TAF2: variants seen among roughly 807,000 people sequenced by gnomAD.
TAF2 encodes transcription initiation factor TFIID subunit 2.
Under a neutral mutation model 138.5 loss-of-function variants are expected in TAF2, and 61 were observed. That is an observed-to-expected ratio of 0.44 (90% CI 0.36 to 0.54). The LOEUF is 0.54. Ranked by LOEUF, TAF2 falls within the 20% of genes least tolerant of loss-of-function variation. The pLI is 0.00. For missense variants in TAF2, 1,090 were observed against 1,427.9 expected, an observed-to-expected ratio of 0.76 and a Z score of 3.81; for synonymous variants, 475 against 469.9, an observed-to-expected ratio of 1.01 and a Z score of -0.14.
chr8:119,776,638 G>A lies in TAF2; in HGVS notation c.2364+1381C>T, dbSNP rs187125433. 4.8e-3 allele frequency among the ~76,000 whole-genome samples: 725 copies of A among 151,954 alleles called. 6 individuals carry two copies. The highest frequency in any genetic ancestry group is 0.017 in the Middle Eastern group (5 of 294). ...AGGGAGATGGAGCTTGCAGTGAGCCGAGATCGCGCCACTGCACTCCAGCCT... is the reference window on the plus strand; with the variant it reads ...AGGGAGATGGAGCTTGCAGTGAGCCAAGATCGCGCCACTGCACTCCAGCCT... On this transcript the variant is annotated intron_variant, in intron 18 of 25. Transcript: ENST00000378164.
chr8:119,747,080 C>T (rs1820029947), intron 22 of TAF2, 146 bp from the exon 23 acceptor site: 1 of 811,786 alleles, frequency 1.2e-6, no homozygotes, highest in African/African-American at 1.7e-5. Context: ...TACTAGACAT[C>T]AACCAAAAAT....
chr8:119,772,997 A>G (rs1325185830), intron 18 of TAF2, among the ~76,000 whole-genome samples: 1 of 149,976 alleles, frequency 6.7e-6, no homozygotes, highest in Non-Finnish European at 1.5e-5. Context: ...AAAATGCAGG[A>G]AAAGCACTTA....
At chr8:119,778,454 GCA>G (rs1822413935) in intron 17 of TAF2, among the ~76,000 whole-genome samples, 1 of 152,174 alleles carries the variant, frequency 6.6e-6, no homozygotes, top group Non-Finnish European at 1.5e-5. Context: ...AGTGGAAAAG[GCA>G]CAGATTTTAG....
intron 25 of TAF2, among the ~76,000 whole-genome samples, chr8:119,734,749 TTGAG>T (rs1819108435): frequency 6.6e-6 from 1 of 152,062 alleles, no homozygotes; most frequent in African/African-American, 2.4e-5. Context: ...AAGAAATAAA[TTGAG>T]TAAGTGAACC....
intron 2 of TAF2, among the ~76,000 whole-genome samples, chr8:119,825,025 C>A (rs1169338008): frequency 7.9e-5 from 12 of 152,216 alleles, no homozygotes; most frequent in Admixed American, 7.8e-4. Context: ...TCCTCCAGAC[C>A]CCAGAATGGT....
intron 14 of TAF2, among the ~76,000 whole-genome samples, chr8:119,786,928 G>A (rs1001278659): frequency 2.0e-5 from 3 of 151,994 alleles, no homozygotes; most frequent in African/African-American, 7.3e-5. Context: ...AAAAAAATTA[G>A]GTACACCTAA....
intron 25 of TAF2, among the ~76,000 whole-genome samples, chr8:119,735,216 T>G (rs1819147211): frequency 6.6e-6 from 1 of 152,206 alleles, no homozygotes; most frequent in Admixed American, 6.5e-5. Context: ...GATAGCCTCT[T>G]GAGGACAGGA....
chr8:119,802,796 C>G (rs1049772697), intron 5 of TAF2, among the ~76,000 whole-genome samples: 1 of 152,162 alleles, frequency 6.6e-6, no homozygotes, highest in African/African-American at 2.4e-5. Context: ...CCTGTAATCC[C>G]AGCTACTCCA....
In TAF2 at chr8:119,762,626, TAAGTG is replaced by T. The variant is rs1405542724; in HGVS notation, c.2365-23_2365-19del. 4.4e-6 allele frequency: 7 copies of T among 1,599,304 alleles called. No homozygotes were observed. Among genetic ancestry groups the T allele is most frequent in the Non-Finnish European group, 6.0e-6 (7 of 1,170,416 alleles). On this transcript the variant is annotated intron_variant, in intron 18 of 25. Transcript: ENST00000378164. Reference sequence around the variant, plus strand: ...TCTGAAAACTAGGCCAAAGAAAAATTAAGTGAAGATAACAAAATTAACTCTTCTGA... The same window carrying T: ...TCTGAAAACTAGGCCAAAGAAAAATTAAGATAACAAAATTAACTCTTCTGA...
At chr8:119,785,677 T>C (rs1822962464) in intron 14 of TAF2, among the ~76,000 whole-genome samples, 1 of 152,210 alleles carries the variant, frequency 6.6e-6, no homozygotes, top group African/African-American at 2.4e-5. Flanking sequence ...TTCTGTCCTA[T>C]ATGAATTAGC....
intron 18 of TAF2, among the ~76,000 whole-genome samples, chr8:119,775,203 C>A (rs951952708): frequency 6.7e-6 from 1 of 149,076 alleles, no homozygotes; most frequent in African/African-American, 2.5e-5. Flanking sequence ...ATCGCTTAAA[C>A]CCGGGAGGCA....
At chr8:119,809,751 C>T (rs1221422343) in intron 3 of TAF2, among the ~76,000 whole-genome samples, 1 of 152,182 alleles carries the variant, frequency 6.6e-6, no homozygotes, top group African/African-American at 2.4e-5. Context: ...TCAGAACACA[C>T]ACAATGTTTA....
intron 25 of TAF2, among the ~76,000 whole-genome samples, chr8:119,738,709 T>A (rs1819395670): frequency 6.6e-6 from 1 of 152,266 alleles, no homozygotes; most frequent in African/African-American, 2.4e-5. Context: ...TAGAAAGAGG[T>A]ACTTAATGTA....
chr8:119,780,181 T>G (rs573873942), intron 17 of TAF2, among the ~76,000 whole-genome samples: 26 of 152,282 alleles, frequency 1.7e-4, no homozygotes, highest in Admixed American at 9.8e-4. Context: ...AACCTCTATG[T>G]ATGATATCCA....
intron 18 of TAF2, among the ~76,000 whole-genome samples, chr8:119,777,655 CTT>C (rs1822349674): frequency 6.6e-6 from 1 of 152,138 alleles, no homozygotes; most frequent in Non-Finnish European, 1.5e-5. Context: ...ATCGAGAACT[CTT>C]TTCTAGGTAT....
At chr8:119,824,357 A>G (rs1482562229) in intron 2 of TAF2, among the ~76,000 whole-genome samples, 2 of 150,234 alleles carry the variant, frequency 1.3e-5, no homozygotes, top group African/African-American at 4.9e-5. Context: ...TGAACCCAGG[A>G]GGTGGAGGTT....
At chr8:119,753,142 A>G (rs890195139) in intron 22 of TAF2, among the ~76,000 whole-genome samples, 4 of 152,218 alleles carry the variant, frequency 2.6e-5, no homozygotes, top group African/African-American at 9.6e-5. Context: ...TCTTTCAACT[A>G]TAACTATATA....
At chr8:119,797,127 C>T (rs777633062) in intron 7 of TAF2, 24 bp from the exon 8 acceptor site, 5 of 1,452,426 alleles carry the variant, frequency 3.4e-6, no homozygotes, top group Non-Finnish European at 2.9e-6. Flanking sequence ...GAGAAGAAAG[C>T]TCATTATAAC....
chr8:119,752,572 C>A (rs920795625), intron 22 of TAF2, among the ~76,000 whole-genome samples: 1 of 152,172 alleles, frequency 6.6e-6, no homozygotes, highest in Non-Finnish European at 1.5e-5. Context: ...ATTAACTGAA[C>A]GGCACATGAA....
Sources: allele counts gnomAD v4.1 joint callset (sites outside exome capture counted in the v4.1 genomes callset), GRCh38; gene constraint gnomAD v4.1.1; transcripts MANE v1.5; gene names NCBI Gene and HGNC (gene_info 2026-07-23, HGNC 2026-07-21).